Variants in CD72 observed in about 807,000 individuals in gnomAD.
CD72 encodes the protein CD72 molecule, also known as B-cell differentiation antigen CD72.
A neutral mutation model predicts 50.7 loss-of-function variants in CD72; 28 were observed. The observed-to-expected ratio is 0.55, with a 90% CI of 0.41 to 0.76. The LOEUF is 0.76. CD72 is among the 30% of genes least tolerant of loss of function. The pLI is 0.00. For missense variants in CD72, 403 were observed against 420.6 expected (o/e 0.96, Z 0.37); for synonymous variants, 176 against 171.2 (o/e 1.03, Z -0.22).
chr9:35,633,171 A>G (rs1310247936), intron 1 of CD72, among the ~76,000 whole-genome samples: 1 of 150,900 alleles, frequency 6.6e-6, no homozygotes, highest in East Asian at 1.9e-4. Flanking sequence ...CGAACTCCTA[A>G]GCTCAAGTGA....
intron 1 of CD72, among the ~76,000 whole-genome samples, chr9:35,632,720 G>A (rs762347633): frequency 1.9e-4 from 29 of 151,020 alleles, no homozygotes; most frequent in Non-Finnish European, 3.5e-4. Context: ...GGGGTTACAG[G>A]TGTCTGCCAC....
At chr9:35,617,385 T>G (rs1474060301) in intron 2 of CD72, 138 bp from the exon 3 acceptor site, 1 of 945,944 alleles carries the variant, frequency 1.1e-6, no homozygotes, top group South Asian at 1.7e-5. Flanking sequence ...TGGGACACAG[T>G]GTCACTCTCC....
intron 2 of CD72, among the ~76,000 whole-genome samples, 190 bp downstream of exon 2, chr9:35,617,824 G>A (rs1823091359): frequency 6.6e-6 from 1 of 152,156 alleles, no homozygotes; most frequent in Non-Finnish European, 1.5e-5. Flanking sequence ...CCAACACTTT[G>A]GGAGGCCAGG....
rs895131405 is a variant in CD72 at position 35,618,345 on chromosome 9, C to A, written c.-42G>T. 5.6e-6 allele frequency: 9 copies of A among 1,613,318 alleles called. No individual in the cohort carries two copies. Among genetic ancestry groups the A allele is most frequent in the Non-Finnish European group, 7.6e-6 (9 of 1,179,614 alleles). ...GCCCCCACTCGTCTTCCCTGTCATC[C>A]ACTGTCCTCCCTTGCCCCTCTCGTC... is the stretch of plus-strand genomic sequence containing the variant. On this transcript the variant is annotated 5_prime_UTR_variant, in exon 1 of 9. Transcript: ENST00000259633.
In CD72 at chr9:35,618,324, C is replaced by G. The variant is rs1205750777; in HGVS notation, c.-21G>C. ...GCCATGGTCCTGAGCAGCTCTGCCC[C>G]CACTCGTCTTCCCTGTCATCCACTG... On this transcript the variant is annotated 5_prime_UTR_variant, in exon 1 of 9. Transcript: ENST00000259633. 3 of 1,613,922 alleles carry G rather than the reference C, an allele frequency of 1.9e-6. No individual in the cohort carries two copies. Among genetic ancestry groups the G allele is most frequent in the African/African-American group, 2.7e-5 (2 of 74,930 alleles).
intron 1 of CD72, among the ~76,000 whole-genome samples, chr9:35,629,982 T>C (rs959905821): frequency 1.3e-5 from 2 of 152,228 alleles, no homozygotes; most frequent in African/African-American, 4.8e-5. Flanking sequence ...CTTTGCTTTA[T>C]TCATTTGATT....
At chr9:35,611,124 G>C (rs768619073) in intron 7 of CD72, among the ~76,000 whole-genome samples, 17 of 152,154 alleles carry the variant, frequency 1.1e-4, no homozygotes, top group Admixed American at 1.1e-3. Context: ...GGCGGTGTGC[G>C]CCTGTAGTCC....
chr9:35,610,775 C>T, intron 7 of CD72, 22 bp from the exon 8 acceptor site: 1 of 1,598,382 alleles, frequency 6.3e-7, no homozygotes, highest in African/African-American at 1.3e-5. Flanking sequence ...TAAGGTAGAG[C>T]TGGGATATGC....
chr9:35,611,799 C>G lies in CD72; in HGVS notation c.950+5G>C. ...GAAAATACCCAGAAGTCCTAACAAA[C>G]TTACCTAGTGCGTTGTGTATCATCA... is the stretch of plus-strand genomic sequence containing the variant. On this transcript the variant is annotated splice_donor_5th_base_variant and intron_variant, in intron 7 of 8. Coordinates refer to ENST00000259633, the MANE Select transcript of CD72 (RefSeq NM_001782.3). 6.6e-7 allele frequency: 1 copy of G among 1,517,848 alleles called. No homozygotes were observed. The highest frequency in any genetic ancestry group is 9.2e-7 in the Non-Finnish European group (1 of 1,092,294). The allele number at this position is 1,517,848 out of a possible 1,614,324, so 94.0% of individuals were successfully genotyped here. A position where few individuals can be genotyped will look rare whatever the true frequency, so the allele number is the denominator to read the frequency against.
chr9:35,618,537 G>A (rs1437201383), upstream of CD72: 1 of 967,626 alleles, frequency 1.0e-6, no homozygotes, highest in Non-Finnish European at 1.6e-6. Flanking sequence ...GCCACGGAGG[G>A]GACGCTGAGG....
intron 1 of CD72, among the ~76,000 whole-genome samples, chr9:35,627,286 G>A (rs1823204394): frequency 1.3e-5 from 2 of 151,420 alleles, no homozygotes; most frequent in Non-Finnish European, 2.9e-5. Flanking sequence ...CACCAGGACA[G>A]GCTAAATTTT....
Position 35,612,911 on chromosome 9 carries a change from G to A in CD72, c.771C>T (p.Ser257=), listed in dbSNP as rs1342813051. The A allele has an allele frequency of 2.5e-6, 4 of 1,613,952 alleles. No individual in the cohort carries two copies. Among genetic ancestry groups the A allele is most frequent in the Non-Finnish European group, 3.4e-6 (4 of 1,179,974 alleles). The part of the protein sequence containing the change: ...ISLTSKNWQE[S]QKQCETLSSK... ...AAGACAGAGTTTCACATTGTTTTTG[G>A]CTCTCCTGCCAATTTTTTGAAGTAA... Residue 257 remains serine (S), a synonymous_variant, in exon 6 of 9, where the codon AGC becomes AGT. Coordinates refer to ENST00000259633, the MANE Select transcript of CD72 (RefSeq NM_001782.3).
intron 5 of CD72, among the ~76,000 whole-genome samples, chr9:35,614,832 C>T (rs140153124): frequency 2.1e-3 from 324 of 152,166 alleles, no homozygotes; most frequent in Middle Eastern, 6.8e-3. Context: ...GAGACCTTGT[C>T]TCTATTTAAA....
chr9:35,625,747 A>G (rs1314366844), intron 1 of CD72, among the ~76,000 whole-genome samples: 1 of 152,210 alleles, frequency 6.6e-6, no homozygotes, highest in East Asian at 1.9e-4. Context: ...GTGCTCATTT[A>G]CCATTCTCAG....
intron 5 of CD72, among the ~76,000 whole-genome samples, chr9:35,614,310 T>G (rs1035643091): frequency 3.9e-5 from 6 of 152,180 alleles, no homozygotes; most frequent in Non-Finnish European, 7.3e-5. Flanking sequence ...GATTTTTGTT[T>G]GTAAAAGATT....
chr9:35,612,726 G>T, intron 6 of CD72, 122 bp downstream of exon 6: 1 of 880,688 alleles, frequency 1.1e-6, no homozygotes, highest in Non-Finnish European at 1.8e-6. Context: ...ATGATTCTCA[G>T]TTTCTTCCAT....
At position 35,615,868 on chromosome 9, in the gene CD72, G is replaced by A; in HGVS notation, c.688+75C>T. 3 of 1,207,956 alleles carry A rather than the reference G, an allele frequency of 2.5e-6. No individual in the cohort carries two copies. The South Asian group carries it at 4.0e-5, about 16-fold the overall frequency. 74.8% of individuals were successfully genotyped at this position (1,207,956 alleles called of 1,614,324 possible). On this transcript the variant is annotated intron_variant, in intron 5 of 8. Coordinates refer to ENST00000259633, the MANE Select transcript of CD72 (RefSeq NM_001782.3). Reference sequence around the variant, plus strand: ...TCCTGAACACCTCACAGGCCCCTGGGTGATAGACTCCTGCCACTACTATCT... The same window carrying A: ...TCCTGAACACCTCACAGGCCCCTGGATGATAGACTCCTGCCACTACTATCT...
intron 2 of CD72, 116 bp downstream of exon 2, chr9:35,617,898 T>G (rs1193692830): frequency 1.3e-6 from 1 of 749,730 alleles, no homozygotes; most frequent in Admixed American, 1.8e-5. Flanking sequence ...ACCACTGCAC[T>G]CCAGCCTGAG....
At chr9:35,620,612 C>T (rs1823138767), upstream of CD72, among the ~76,000 whole-genome samples, 1 of 152,146 alleles carries the variant, frequency 6.6e-6, no homozygotes, top group East Asian at 1.9e-4. Context: ...GGGCGGATCA[C>T]CTGAGGTCAG....
Sources: allele counts gnomAD v4.1 joint callset (sites outside exome capture counted in the v4.1 genomes callset), GRCh38; gene constraint gnomAD v4.1.1; transcripts MANE v1.5; gene names NCBI Gene and HGNC (gene_info 2026-07-23, HGNC 2026-07-21).